TMEM163: variants seen among roughly 807,000 people sequenced by gnomAD.
The protein encoded by TMEM163 is transmembrane protein 163.
Under a neutral mutation model 29.3 loss-of-function variants are expected in TMEM163, and 17 were observed. The observed-to-expected ratio is 0.58, with a 90% CI of 0.40 to 0.87. The LOEUF (loss-of-function observed/expected upper bound fraction) is 0.87, where lower values mean the gene tolerates loss of function less well. TMEM163 is among the 40% of genes least tolerant of loss of function. The probability of loss-of-function intolerance (pLI) is 0.00; values close to 1 mark genes in which losing one functional copy is unlikely to be tolerated. For synonymous variants in TMEM163, 157 were observed against 160.6 expected (o/e 0.98, Z 0.17); for missense variants, 303 against 381.5 (o/e 0.79, Z 1.71).
intron 2 of TMEM163, among the ~76,000 whole-genome samples, chr2:134,707,751 C>A (rs1259582940): frequency 6.6e-6 from 1 of 151,874 alleles, no homozygotes; most frequent in Non-Finnish European, 1.5e-5. Flanking sequence ...GTTGGTGAGG[C>A]CTCTTTGGGG....
At chr2:134,674,198 T>C (rs937676427) in intron 2 of TMEM163, among the ~76,000 whole-genome samples, 3 of 152,124 alleles carry the variant, frequency 2.0e-5, no homozygotes, top group Non-Finnish European at 2.9e-5. Flanking sequence ...AATCACATCA[T>C]ACTATACACA....
chr2:134,619,708 A>C (rs1682686092), intron 2 of TMEM163, among the ~76,000 whole-genome samples: 1 of 152,232 alleles, frequency 6.6e-6, no homozygotes, highest in Admixed American at 6.5e-5. Flanking sequence ...TAGAGGTTCT[A>C]GCCAATGTAA....
At chr2:134,619,665 A>G (rs1682685141) in intron 2 of TMEM163, among the ~76,000 whole-genome samples, 1 of 152,234 alleles carries the variant, frequency 6.6e-6, no homozygotes, top group African/African-American at 2.4e-5. Context: ...AAGCAAGGAT[A>G]AATGCTCTTG....
At chr2:134,621,186 C>A (rs1182472818) in intron 2 of TMEM163, among the ~76,000 whole-genome samples, 1 of 152,018 alleles carries the variant, frequency 6.6e-6, no homozygotes, top group Non-Finnish European at 1.5e-5. Context: ...ATATATTTCA[C>A]CAAAGAAGAA....
intron 2 of TMEM163, among the ~76,000 whole-genome samples, chr2:134,603,801 C>T (rs1682288455): frequency 8.1e-6 from 1 of 122,852 alleles, no homozygotes; most frequent in Non-Finnish European, 1.6e-5. Context: ...GTTTTGCCCA[C>T]ATCTGGTGAG....
intron 3 of TMEM163, among the ~76,000 whole-genome samples, chr2:134,551,592 G>C (rs994748785): frequency 6.6e-6 from 1 of 152,182 alleles, no homozygotes; most frequent in Non-Finnish European, 1.5e-5. Flanking sequence ...CTGTGAAGCA[G>C]AGACCCACTT....
At chr2:134,688,113 G>A (rs1042069044) in intron 2 of TMEM163, among the ~76,000 whole-genome samples, 2 of 152,100 alleles carry the variant, frequency 1.3e-5, no homozygotes, top group Admixed American at 6.5e-5. Context: ...TCCCCACTGC[G>A]CACCAGACAC....
At position 134,602,633 on chromosome 2, in the gene TMEM163, G is replaced by A. The variant is rs546435867; in HGVS notation, c.323-50542C>T. On this transcript the variant is annotated intron_variant, in intron 2 of 7. Coordinates refer to ENST00000281924, the MANE Select transcript of TMEM163 (RefSeq NM_030923.5). ...AAGTGGAAAGAACCAGCATCACTGA[G>A]GGATCATTCCTCTTTTGAAACCACT... Among the ~76,000 whole-genome samples the A allele has an allele frequency of 6.2e-4, 94 of 152,296 alleles. 1 individual carries two copies. The highest frequency in any genetic ancestry group is 1.3e-4 in the Non-Finnish European group (9 of 68,026).
At chr2:134,643,133 T>C (rs560206389) in intron 2 of TMEM163, among the ~76,000 whole-genome samples, 1 of 152,044 alleles carries the variant, frequency 6.6e-6, no homozygotes, top group South Asian at 2.1e-4. Flanking sequence ...AGACACAAAT[T>C]ACCAATATCA....
intron 2 of TMEM163, among the ~76,000 whole-genome samples, chr2:134,557,645 T>C (rs761227355): frequency 4.6e-5 from 7 of 152,202 alleles, no homozygotes; most frequent in South Asian, 2.1e-4. Flanking sequence ...TTTCACAGAA[T>C]ACACAATTTC....
At chr2:134,673,736 G>A (rs1684044767) in intron 2 of TMEM163, among the ~76,000 whole-genome samples, 1 of 152,138 alleles carries the variant, frequency 6.6e-6, no homozygotes, top group Admixed American at 6.5e-5. Flanking sequence ...AATGCAGGCA[G>A]CCTCTAGAAA....
chr2:134,630,162 C>G (rs1193566804), intron 2 of TMEM163, among the ~76,000 whole-genome samples: 1 of 152,010 alleles, frequency 6.6e-6, no homozygotes, highest in Non-Finnish European at 1.5e-5. Context: ...TAGGCAAGCA[C>G]CTAACCTCCC....
intron 2 of TMEM163, among the ~76,000 whole-genome samples, chr2:134,711,191 C>G (rs1362630712): frequency 6.6e-6 from 1 of 152,062 alleles, no homozygotes; most frequent in Non-Finnish European, 1.5e-5. Flanking sequence ...ATAAATGATG[C>G]TTTGGAAGAG....
chr2:134,553,650 C>T (rs1410268612), intron 2 of TMEM163, among the ~76,000 whole-genome samples: 1 of 152,122 alleles, frequency 6.6e-6, no homozygotes, highest in African/African-American at 2.4e-5. Flanking sequence ...GGAATACAAC[C>T]CATTAAATCC....
chr2:134,649,381 C>T (rs1016235034), intron 2 of TMEM163, among the ~76,000 whole-genome samples: 2 of 152,190 alleles, frequency 1.3e-5, no homozygotes, highest in African/African-American at 2.4e-5. Flanking sequence ...GTGACCAATA[C>T]ACCCTCAAAG....
chr2:134,473,617 G>A (rs1278445402), intron 5 of TMEM163, among the ~76,000 whole-genome samples: 2 of 151,620 alleles, frequency 1.3e-5, no homozygotes, highest in African/African-American at 2.4e-5. Flanking sequence ...CAAAGACCTT[G>A]ATAAAGATCA....
intron 2 of TMEM163, among the ~76,000 whole-genome samples, chr2:134,649,544 TTAAA>T (rs1350833578): frequency 1.6e-4 from 24 of 152,190 alleles, no homozygotes; most frequent in Admixed American, 2.0e-4. Flanking sequence ...GATATCAATC[TTAAA>T]TAATAAGACA....
chr2:134,680,611 C>T (rs138595983), intron 2 of TMEM163, among the ~76,000 whole-genome samples: 7 of 152,302 alleles, frequency 4.6e-5, no homozygotes, highest in East Asian at 3.9e-4. Context: ...CACATTAATG[C>T]GCAAGGTTCT....
At chr2:134,657,961 C>T (rs1260792146) in intron 2 of TMEM163, among the ~76,000 whole-genome samples, 2 of 152,052 alleles carry the variant, frequency 1.3e-5, no homozygotes, top group African/African-American at 4.8e-5. Context: ...CAACATGCAA[C>T]TTACCCATGT....
Sources: gnomAD v4.1 joint callset for allele counts (sites outside exome capture counted in the v4.1 genomes callset) on GRCh38, gnomAD v4.1.1 for gene constraint, MANE v1.5 for transcripts, NCBI Gene and HGNC (gene_info 2026-07-23, HGNC 2026-07-21) for gene names.